The following CNBD1 variants were observed in gnomAD, a reference collection of about 807,000 sequenced individuals.
CNBD1 encodes the protein cyclic nucleotide binding domain containing 1.
A neutral mutation model predicts 54.4 loss-of-function variants in CNBD1; 71 were observed. That is an observed-to-expected ratio of 1.30 (90% CI 1.08 to 1.59). The LOEUF (loss-of-function observed/expected upper bound fraction) is 1.59. CNBD1 is among the 40% of genes most tolerant of loss of function. The pLI is 0.00. For missense variants in CNBD1, 659 were observed against 518.0 expected, an observed-to-expected ratio of 1.27 and a Z score of -2.64; for synonymous variants, 182 against 170.7, an observed-to-expected ratio of 1.07 and a Z score of -0.51.
intron 6 of CNBD1, among the ~76,000 whole-genome samples, chr8:87,273,769 A>G (rs1333642547): frequency 6.6e-6 from 1 of 151,830 alleles, no homozygotes; most frequent in Non-Finnish European, 1.5e-5. Context: ...TTGACAAATA[A>G]GTTTTTTTTT....
chr8:86,869,635 T>G (rs963030977), intron 1 of CNBD1, among the ~76,000 whole-genome samples: 8 of 152,178 alleles, frequency 5.3e-5, no homozygotes, highest in Non-Finnish European at 1.2e-4. Flanking sequence ...CTTCACAGTT[T>G]GCTAACCTTA....
At chr8:87,320,753 T>C (rs1809508516) in intron 8 of CNBD1, among the ~76,000 whole-genome samples, 1 of 152,094 alleles carries the variant, frequency 6.6e-6, no homozygotes, top group Non-Finnish European at 1.5e-5. Context: ...CTAACAAATT[T>C]TATGTGCACA....
At chr8:87,370,025 A>G (rs1328564810) in intron 10 of CNBD1, among the ~76,000 whole-genome samples, 1 of 151,720 alleles carries the variant, frequency 6.6e-6, no homozygotes, top group African/African-American at 2.4e-5. Context: ...ATGATTTCCG[A>G]TTTCATCCAT....
chr8:87,403,035 A>G lies in CNBD1; in HGVS notation c.214-25511A>G, dbSNP rs572127787. Among the ~76,000 whole-genome samples, 325 of 152,178 alleles carry G rather than the reference A, an allele frequency of 2.1e-3. 2 individuals are homozygous for G. The highest frequency in any genetic ancestry group is 7.4e-3 in the African/African-American group (306 of 41,564). On this transcript the variant is annotated intron_variant, in intron 2 of 7. Transcript: ENST00000521593. ...AAGGAGGAATTCAAATTGACTAGCT[A>G]AATTGAATTTATTGCTTTCTTAATA...
intron 3 of CNBD1, among the ~76,000 whole-genome samples, chr8:86,932,934 T>A (rs1809481119): frequency 1.3e-5 from 2 of 152,124 alleles, no homozygotes; most frequent in African/African-American, 2.4e-5. Flanking sequence ...CTTGTTTTCC[T>A]CCTAGATCAC....
At chr8:87,135,462 G>A (rs1249803392) in intron 4 of CNBD1, among the ~76,000 whole-genome samples, 1 of 151,010 alleles carries the variant, frequency 6.6e-6, no homozygotes, top group African/African-American at 2.4e-5. Flanking sequence ...TACCAAATAA[G>A]TATTAAACAT....
At chr8:87,067,519 C>T (rs925473908) in intron 4 of CNBD1, among the ~76,000 whole-genome samples, 10 of 151,876 alleles carry the variant, frequency 6.6e-5, no homozygotes, top group Non-Finnish European at 1.5e-5. Context: ...TGTTTCTATA[C>T]ACATTTTAAT....
chr8:87,298,262 C>T (rs1241639259), intron 8 of CNBD1, among the ~76,000 whole-genome samples: 3 of 151,902 alleles, frequency 2.0e-5, no homozygotes, highest in Middle Eastern at 3.4e-3. Flanking sequence ...TATATAGATT[C>T]ATGGTATCAT....
At chr8:87,014,957 G>C (rs1179314411) in intron 4 of CNBD1, among the ~76,000 whole-genome samples, 1 of 152,060 alleles carries the variant, frequency 6.6e-6, no homozygotes, top group Admixed American at 6.5e-5. Context: ...AAGGAAGAAA[G>C]ATATTTGGGG....
intron 4 of CNBD1, among the ~76,000 whole-genome samples, chr8:87,099,034 C>CAAAAAAAAAAAAAAAAA (rs11402011): frequency 4.3e-5 from 1 of 23,036 alleles, no homozygotes; most frequent in African/African-American, 1.4e-4. Context: ...GACTGTGTCT[C>CAAAAAAAAAAAAAAAAA]AAAAAAAAAA....
intron 2 of CNBD1, among the ~76,000 whole-genome samples, chr8:87,398,425 A>G (rs1463124039): frequency 1.3e-5 from 2 of 151,868 alleles, no homozygotes; most frequent in African/African-American, 2.4e-5. Context: ...GTTTGTTGAT[A>G]TGTACCAAAA....
intron 6 of CNBD1, among the ~76,000 whole-genome samples, chr8:87,257,221 T>A (rs1027792212): frequency 1.3e-5 from 2 of 151,546 alleles, no homozygotes; most frequent in East Asian, 1.9e-4. Context: ...ATAAAAAAAA[T>A]TAGCCAGTGT....
chr8:87,153,970 C>T (rs1812660800), intron 4 of CNBD1, among the ~76,000 whole-genome samples: 1 of 152,144 alleles, frequency 6.6e-6, no homozygotes, highest in Non-Finnish European at 1.5e-5. Context: ...TGGCACGGAA[C>T]TGAAGGAAGT....
At chr8:87,189,707 TGCAC>T in intron 4 of CNBD1, among the ~76,000 whole-genome samples, 1 of 152,198 alleles carries the variant, frequency 6.6e-6, no homozygotes, top group African/African-American at 2.4e-5. Context: ...CTCTGATGTG[TGCAC>T]TCCGCGAATG....
At chr8:87,409,525 G>A (rs1333323405) in intron 2 of CNBD1, among the ~76,000 whole-genome samples, 1 of 152,082 alleles carries the variant, frequency 6.6e-6, no homozygotes, top group Non-Finnish European at 1.5e-5. Flanking sequence ...AATAGCTACA[G>A]TAAACAATAG....
intron 10 of CNBD1, among the ~76,000 whole-genome samples, chr8:87,361,166 G>C (rs1468000858): frequency 6.6e-6 from 1 of 151,608 alleles, no homozygotes; most frequent in Non-Finnish European, 1.5e-5. Flanking sequence ...AATAAGATAG[G>C]GCACTTATTT....
chr8:87,158,249 T>C (rs1812785807), intron 4 of CNBD1, among the ~76,000 whole-genome samples: 1 of 152,112 alleles, frequency 6.6e-6, no homozygotes, highest in South Asian at 2.1e-4. Flanking sequence ...TCTGCCTCCA[T>C]TTCCTTGTTT....
intron 10 of CNBD1, among the ~76,000 whole-genome samples, chr8:87,355,866 A>G (rs745507885): frequency 2.0e-5 from 3 of 152,048 alleles, no homozygotes; most frequent in Non-Finnish European, 4.4e-5. Context: ...GCCTAATGGG[A>G]GGTTTTTGGG....
intron 8 of CNBD1, among the ~76,000 whole-genome samples, chr8:87,341,291 G>T (rs528112123): frequency 2.0e-5 from 3 of 152,022 alleles, no homozygotes; most frequent in African/African-American, 7.2e-5. Flanking sequence ...GAGTATGCTG[G>T]GTCTCATCAG....
Sources: allele counts gnomAD v4.1 joint callset (sites outside exome capture counted in the v4.1 genomes callset), GRCh38; gene constraint gnomAD v4.1.1; transcripts MANE v1.5; gene names NCBI Gene and HGNC (gene_info 2026-07-23, HGNC 2026-07-21).